Variants in MTCH1 observed in about 807,000 individuals in gnomAD.
MTCH1 encodes mitochondrial carrier 1.
In MTCH1, 23 loss-of-function variants were observed where a neutral mutation model predicts 49.3. The observed-to-expected ratio is 0.47, with a 90% CI of 0.34 to 0.66. The LOEUF is 0.66. MTCH1 is among the 30% of genes least tolerant of loss of function. The pLI, the probability that MTCH1 is intolerant of heterozygous loss-of-function variation, is 0.01. For synonymous variants in MTCH1, 229 were observed against 215.2 expected, an observed-to-expected ratio of 1.06 and a Z score of -0.56; for missense variants, 397 against 532.1, an observed-to-expected ratio of 0.75 and a Z score of 2.50.
intron 10 of MTCH1, 144 bp from the exon 11 acceptor site, chr6:36,970,258 G>A (rs1439140913): frequency 4.7e-5 from 67 of 1,434,566 alleles, no homozygotes; most frequent in Non-Finnish European, 6.3e-5. Context: ...GGGGTGCTGG[G>A]AAATCCCAGC....
Position 36,972,062 on chromosome 6 carries a change from C to T in MTCH1, c.906+590G>A, listed in dbSNP as rs990688682. 1.3e-5 allele frequency among the ~76,000 whole-genome samples: 2 copies of T among 152,176 alleles called. No individual in the cohort carries two copies. Among genetic ancestry groups the T allele is most frequent in the Non-Finnish European group, 2.9e-5 (2 of 68,028 alleles). On this transcript the variant is annotated intron_variant, in intron 8 of 11. Transcript: ENST00000373627. This position sits in a 1 kb window ranked among gnomAD's most constrained non-coding sequence, Gnocchi z 4.1. ...ATAGGAGGGTGTATCGGACTGTACACTTCCTAGCAGATCTGAAAAAACTCA... is the reference window on the plus strand; with the variant it reads ...ATAGGAGGGTGTATCGGACTGTACATTTCCTAGCAGATCTGAAAAAACTCA...
Position 36,968,959 on chromosome 6 carries a change from C to G in MTCH1, c.1114G>C (p.Gly372Arg). 6.2e-7 allele frequency: 1 copy of G among 1,614,100 alleles called. No individual in the cohort carries two copies. Among genetic ancestry groups the G allele is most frequent in the South Asian group, 1.1e-5 (1 of 91,072 alleles). ...ACCCGGCGGAAAAGCAGGCTGGAGC[C>G]TCGGAAGAGCTGGCCCTGGACCAGA... Reference protein sequence around the residue: ...YLSVQGQLFRGSSLLFRRVSS... With the variant: ...YLSVQGQLFRRSSLLFRRVSS... Residue 372 changes from glycine (G) to arginine (R), a missense_variant, in exon 12 of 12, where the codon GGC (glycine) becomes CGC (arginine). Around this residue, in one of 2 missense-constraint regions of MTCH1, gnomAD observed 252 missense variants for 388.3 expected, o/e 0.65. Transcript: ENST00000373627.
At chr6:36,975,549 G>A in intron 7 of MTCH1, 109 bp downstream of exon 7, 1 of 1,057,462 alleles carries the variant, frequency 9.5e-7, no homozygotes, top group Non-Finnish European at 1.5e-6. Flanking sequence ...GCTAGGGCAG[G>A]GCCATGTAGT....
intron 3 of MTCH1, 49 bp from the exon 4 acceptor site, chr6:36,978,204 G>A (rs1763959498): frequency 6.7e-7 from 1 of 1,498,666 alleles, no homozygotes; most frequent in East Asian, 2.3e-5. Context: ...CTCTTCCATG[G>A]AACTCTTCGG....
At chr6:36,978,028 C>T (rs1450569915) in intron 4 of MTCH1, 50 bp downstream of exon 4, 1 of 1,506,912 alleles carries the variant, frequency 6.6e-7, no homozygotes, top group South Asian at 1.1e-5. Flanking sequence ...GGTGAGAAAT[C>T]ATCAGGCTCC....
intron 11 of MTCH1, 105 bp from the exon 12 acceptor site, chr6:36,969,079 A>T: frequency 6.7e-7 from 1 of 1,500,948 alleles, no homozygotes; most frequent in Non-Finnish European, 8.9e-7. Flanking sequence ...GAGCTCAAAG[A>T]CCCAGCTCCG....
intron 3 of MTCH1, 24 bp downstream of exon 3, chr6:36,978,481 G>C: frequency 6.2e-7 from 1 of 1,610,248 alleles, no homozygotes; most frequent in Non-Finnish European, 8.5e-7. Context: ...TCGGGCGACT[G>C]TTCCTGGCTT....
At chr6:36,983,014 GC>G (rs1764159090) in intron 1 of MTCH1, among the ~76,000 whole-genome samples, 1 of 152,246 alleles carries the variant, frequency 6.6e-6, no homozygotes, top group Admixed American at 6.5e-5. Context: ...GATTAGGTAT[GC>G]TTCCAGTGCT....
intron 6 of MTCH1, chr6:36,976,687 C>T: frequency 2.3e-6 from 1 of 427,878 alleles, no homozygotes; most frequent in African/African-American, 2.0e-5. Context: ...CCAAGACCCA[C>T]CTCCGTGTCA....
intron 8 of MTCH1, 194 bp from the exon 9 acceptor site, chr6:36,970,888 T>A (rs895955756): frequency 1.2e-5 from 8 of 656,414 alleles, no homozygotes; most frequent in Non-Finnish European, 1.9e-5. Context: ...CTGAAGGGAG[T>A]CCCGAGAAGG....
chr6:36,984,879 C>T (rs1319282103), intron 1 of MTCH1, among the ~76,000 whole-genome samples: 1 of 152,114 alleles, frequency 6.6e-6, no homozygotes, highest in Non-Finnish European at 1.5e-5. Flanking sequence ...CCCTTCTGCC[C>T]AATTTCAATA....
chr6:36,970,873 G>T, intron 8 of MTCH1, 179 bp from the exon 9 acceptor site: 1 of 708,444 alleles, frequency 1.4e-6, no homozygotes, highest in Non-Finnish European at 2.4e-6. Context: ...AACGGGGTAA[G>T]TGGACTGAAG....
At position 36,970,131 on chromosome 6, in the gene MTCH1, G is replaced by C; in HGVS notation, c.1023-17C>G. ...GCTTGCAGCCTGCCGGAGAAGGAGA[G>C]TGTAGATGCAGAGAACAGTGGAAGA... On this transcript the variant is annotated splice_polypyrimidine_tract_variant and intron_variant, in intron 10 of 11. Coordinates refer to ENST00000373627, the MANE Select transcript of MTCH1 (RefSeq NM_001271641.2). The C allele has an allele frequency of 6.2e-7, 1 of 1,612,820 alleles. No homozygotes were observed. The highest frequency in any genetic ancestry group is 1.1e-5 in the South Asian group (1 of 91,064).
chr6:36,984,549 CCA>C (rs1033186019), intron 1 of MTCH1, among the ~76,000 whole-genome samples: 15 of 152,204 alleles, frequency 9.9e-5, no homozygotes, highest in African/African-American at 3.1e-4. Context: ...AATCTGACAC[CCA>C]CCTGCCTCAA....
chr6:36,974,497 A>G (rs1763792744), intron 7 of MTCH1, among the ~76,000 whole-genome samples: 2 of 152,102 alleles, frequency 1.3e-5, no homozygotes, highest in African/African-American at 4.8e-5. Flanking sequence ...ACTAATCCCA[A>G]CTAACTGGGA....
intron 1 of MTCH1, among the ~76,000 whole-genome samples, chr6:36,984,189 G>T (rs1417769292): frequency 7.7e-6 from 1 of 129,670 alleles, no homozygotes; most frequent in Non-Finnish European, 1.6e-5. Flanking sequence ...TCAGTTTCCA[G>T]AACCCTCACT....
At chr6:36,970,947 C>G (rs1222764676) in intron 8 of MTCH1, 3 of 551,482 alleles carry the variant, frequency 5.4e-6, no homozygotes, top group Non-Finnish European at 6.6e-6. Flanking sequence ...ACCCACCGGA[C>G]TGTGAGCCTC....
chr6:36,969,926 T>C (rs1399213513), intron 11 of MTCH1, 113 bp downstream of exon 11: 2 of 1,552,038 alleles, frequency 1.3e-6, no homozygotes, highest in Non-Finnish European at 1.7e-6. Flanking sequence ...CTCACAATAT[T>C]GAATTCCATG....
chr6:36,975,595 G>T, intron 7 of MTCH1, 63 bp downstream of exon 7: 1 of 1,521,984 alleles, frequency 6.6e-7, no homozygotes, highest in Non-Finnish European at 9.1e-7. Flanking sequence ...CTGAGAGGTT[G>T]AGGACACACC....
Sources: gnomAD v4.1 joint callset for allele counts (sites outside exome capture counted in the v4.1 genomes callset) on GRCh38, gnomAD v4.1.1 for gene constraint, gnomAD v4.1.1 regional missense constraint, Gnocchi (gnomAD v3.1) non-coding constraint, MANE v1.5 for transcripts, NCBI Gene and HGNC (gene_info 2026-07-23, HGNC 2026-07-21) for gene names.